PPP2R5C: variants seen among roughly 807,000 people sequenced by gnomAD.
PPP2R5C encodes protein phosphatase 2 regulatory subunit B'gamma.
A neutral mutation model predicts 68.9 loss-of-function variants in PPP2R5C; 7 were observed. That is an observed-to-expected ratio of 0.10 (90% CI 0.06 to 0.19). The LOEUF (loss-of-function observed/expected upper bound fraction) is 0.19, where lower values mean the gene tolerates loss of function less well. Ranked by LOEUF, PPP2R5C falls within the 10% of genes least tolerant of loss-of-function variation. The pLI is 1.00. For synonymous variants in PPP2R5C, 210 were observed against 222.2 expected, an observed-to-expected ratio of 0.95 and a Z score of 0.49; for missense variants, 348 against 641.3, an observed-to-expected ratio of 0.54 and a Z score of 4.94.
intron 3 of PPP2R5C, chr14:101,796,665 CT>C (rs1428111943): frequency 6.4e-6 from 1 of 157,388 alleles, no homozygotes; most frequent in Admixed American, 6.4e-5. Context: ...AGGGTACCCC[CT>C]CTCCATGGCC....
intron 3 of PPP2R5C, among the ~76,000 whole-genome samples, chr14:101,796,098 CAGCCATGAG>C (rs2038594252): frequency 6.6e-6 from 1 of 152,188 alleles, no homozygotes; most frequent in African/African-American, 2.4e-5. Context: ...GCTAGGATTA[CAGCCATGAG>C]AGCCACTGCG....
intron 1 of PPP2R5C, chr14:101,833,567 A>G (rs1200197732): frequency 6.6e-6 from 1 of 152,274 alleles, no homozygotes; most frequent in Non-Finnish European, 1.5e-5. Context: ...GTCTGGCCCC[A>G]AAGACACACC....
At chr14:101,883,172 C>T in intron 3 of PPP2R5C, 85 bp from the exon 6 acceptor site, 1 of 938,732 alleles carries the variant, frequency 1.1e-6, no homozygotes, top group Non-Finnish European at 1.6e-6. Flanking sequence ...ATTTGCATAC[C>T]AATAAAGATT....
At chr14:101,803,430 A>T (rs1225870443) in intron 3 of PPP2R5C, 3 of 152,206 alleles carry the variant, frequency 2.0e-5, no homozygotes, top group African/African-American at 7.2e-5. Context: ...GGATTAAAGA[A>T]ATCTAAGACC....
rs1240116856 is a variant in PPP2R5C at position 101,888,603 on chromosome 14, T to G, written c.630-1634T>G. On this transcript the variant is annotated intron_variant, in intron 5 of 13. Transcript: ENST00000334743. The surrounding 1 kb of genome is among the most constrained non-coding windows in gnomAD (Gnocchi z 5.6). ...TGTTGTTTTGTTTTGTTTTGTTTTG[T>G]TTTTTGTTTTGAAACAGGGTCTCTG... 6.6e-6 allele frequency among the ~76,000 whole-genome samples: 1 copy of G among 152,110 alleles called. No homozygotes were observed. The highest frequency in any genetic ancestry group is 1.5e-5 in the Non-Finnish European group (1 of 68,034).
intron 2 of PPP2R5C, among the ~76,000 whole-genome samples, chr14:101,857,188 T>G (rs767358964): frequency 3.3e-5 from 5 of 152,258 alleles, no homozygotes; most frequent in Non-Finnish European, 5.9e-5. Context: ...TTATTTTATC[T>G]TCTTTAAATT....
chr14:101,925,138 C>T lies in PPP2R5C; in HGVS notation c.1444-3C>T. 1 of 1,613,926 alleles carries T rather than the reference C, an allele frequency of 6.2e-7. No individual in the cohort carries two copies. The highest frequency in any genetic ancestry group is 8.5e-7 in the Non-Finnish European group (1 of 1,179,884). On this transcript the variant is annotated splice_region_variant and splice_polypyrimidine_tract_variant and intron_variant, in intron 13 of 13. Coordinates refer to ENST00000334743, the Ensembl canonical transcript of PPP2R5C. ...GCCAACGCCATTGCATTTCTAATTC[C>T]AGGCACAGAAAGATCCGAAGAAGGA...
intron 1 of PPP2R5C, chr14:101,818,913 GTT>G: frequency 8.8e-7 from 1 of 1,138,910 alleles, no homozygotes; most frequent in East Asian, 2.6e-5. Flanking sequence ...TTGTCTGCTG[GTT>G]GTGTTACTCA....
intron 2 of PPP2R5C, among the ~76,000 whole-genome samples, chr14:101,871,025 T>C (rs137980033): frequency 1.3e-5 from 2 of 152,338 alleles, no homozygotes; most frequent in African/African-American, 4.8e-5. Context: ...ATGATAGATA[T>C]GACTGTATTG....
chr14:101,844,462 C>T (rs968792502), intron 1 of PPP2R5C, among the ~76,000 whole-genome samples: 3 of 152,156 alleles, frequency 2.0e-5, no homozygotes, highest in Non-Finnish European at 4.4e-5. Flanking sequence ...CCGGCAGCAC[C>T]GCAGGGCCCG....
rs989042195 is a variant in PPP2R5C, at chr14:101,781,991, C to T, written c.94-4027C>T. On this transcript the variant is annotated intron_variant, in intron 2 of 14. Coordinates refer to the PPP2R5C transcript ENST00000328724. This position sits in a 1 kb window ranked among gnomAD's most constrained non-coding sequence, Gnocchi z 6.4. ...AGCCCCTCGCCCTCTCTCTCTCCTTCCCTCATTCCCTTCATCCTTCTCTCC... is the reference window on the plus strand; with the variant it reads ...AGCCCCTCGCCCTCTCTCTCTCCTTTCCTCATTCCCTTCATCCTTCTCTCC... Among the ~76,000 whole-genome samples, 3 of 151,136 alleles carry T rather than the reference C, an allele frequency of 2.0e-5. No homozygotes were observed. Among genetic ancestry groups the T allele is most frequent in the African/African-American group, 4.9e-5 (2 of 41,116 alleles).
At chr14:101,777,147 G>C (rs937889206) in intron 2 of PPP2R5C, among the ~76,000 whole-genome samples, 7 of 151,916 alleles carry the variant, frequency 4.6e-5, no homozygotes, top group African/African-American at 9.7e-5. Flanking sequence ...CCAAACGCTC[G>C]TTCCTTTTTA....
chr14:101,903,085 A>T (rs912289020), intron 9 of PPP2R5C, among the ~76,000 whole-genome samples: 4 of 145,024 alleles, frequency 2.8e-5, no homozygotes, highest in African/African-American at 1.0e-4. Context: ...TTTCAGTGTG[A>T]GCACTTTGCA....
At chr14:101,851,079 T>C (rs990821225) in intron 1 of PPP2R5C, among the ~76,000 whole-genome samples, 2 of 152,162 alleles carry the variant, frequency 1.3e-5, no homozygotes, top group African/African-American at 4.8e-5. Context: ...AGATCTCTTG[T>C]CTGTGGGCTC....
chr14:101,917,346 G>A lies in PPP2R5C; in HGVS notation c.1327-485G>A, dbSNP rs781433058. ...GTTTCATAAGCAAGCCGGGAAAATG[G>A]GATAAAGGGGAGAGAGAACCGTGCC... On this transcript the variant is annotated intron_variant, in intron 12 of 13. Coordinates refer to ENST00000334743, the Ensembl canonical transcript of PPP2R5C. This position sits in a 1 kb window ranked among gnomAD's most constrained non-coding sequence, Gnocchi z 4.4. 6.6e-6 allele frequency among the ~76,000 whole-genome samples: 1 copy of A among 152,194 alleles called. No homozygotes were observed.
At chr14:101,861,939 C>T (rs1678020) in intron 2 of PPP2R5C, among the ~76,000 whole-genome samples, 4 of 151,970 alleles carry the variant, frequency 2.6e-5, no homozygotes, top group Non-Finnish European at 4.4e-5. Flanking sequence ...TTAGAGATGC[C>T]GTCTTGCTCT....
intron 2 of PPP2R5C, among the ~76,000 whole-genome samples, chr14:101,867,497 G>A (rs746412637): frequency 1.3e-5 from 2 of 152,110 alleles, no homozygotes; most frequent in Non-Finnish European, 2.9e-5. Flanking sequence ...AAAACAAGCG[G>A]CCAGGCGCGG....
rs1035829577 is a variant in PPP2R5C at position 101,779,477 on chromosome 14, G to T, written c.94-6541G>T. 2.6e-5 allele frequency among the ~76,000 whole-genome samples: 4 copies of T among 152,138 alleles called. No individual in the cohort carries two copies. The South Asian group carries it at 8.3e-4, about 32-fold the overall frequency. ...GAGTAGATCAAAAGCTTTGTGTGGG[G>T]GTGAGAGTTTGGGAACGGGAAGAGG... On this transcript the variant is annotated intron_variant, in intron 2 of 14. Transcript: ENST00000328724.
At chr14:101,809,778 A>G (rs998760636), upstream of PPP2R5C, 302 of 1,330,194 alleles carry the variant, frequency 2.3e-4, no homozygotes, top group Non-Finnish European at 2.8e-4. Flanking sequence ...TGTCATTTTA[A>G]GTTGCAGCTT....
Sources: allele counts gnomAD v4.1 joint callset (sites outside exome capture counted in the v4.1 genomes callset), GRCh38; gene constraint gnomAD v4.1.1; non-coding constraint Gnocchi (gnomAD v3.1); transcripts MANE v1.5; gene names NCBI Gene and HGNC (gene_info 2026-07-23, HGNC 2026-07-21).